Variants in USH2A observed in about 807,000 individuals in gnomAD.
USH2A encodes usherin.
In USH2A, 443 loss-of-function variants were observed where a neutral mutation model predicts 538.9. The observed-to-expected ratio is 0.82, with a 90% CI of 0.76 to 0.89. The LOEUF (loss-of-function observed/expected upper bound fraction) is 0.89, where lower values mean the gene tolerates loss of function less well. Among genes scored for constraint, USH2A ranks in the 40% least tolerant of loss-of-function variants. USH2A has a pLI of 0.00. For missense variants in USH2A, 6,633 were observed against 6,324.8 expected (o/e 1.05, Z -1.65); for synonymous variants, 2,413 against 2,273.5 (o/e 1.06, Z -1.75).
intron 11 of USH2A, among the ~76,000 whole-genome samples, chr1:216,283,948 A>G (rs995395531): frequency 6.6e-6 from 1 of 152,260 alleles, no homozygotes; most frequent in East Asian, 1.9e-4. Context: ...TAGCTTGGAT[A>G]GAACTGAGTA....
At chr1:216,353,653 A>G (rs1162044454) in intron 4 of USH2A, among the ~76,000 whole-genome samples, 3 of 152,136 alleles carry the variant, frequency 2.0e-5, no homozygotes, top group Admixed American at 2.0e-4. Context: ...GAAACAATCT[A>G]GAGGGTTGGA....
At chr1:216,073,552 A>G (rs1318517773) in intron 27 of USH2A, among the ~76,000 whole-genome samples, 1 of 152,216 alleles carries the variant, frequency 6.6e-6, no homozygotes, top group Non-Finnish European at 1.5e-5. Flanking sequence ...GGTACTGAAA[A>G]AGCATTTATT....
chr1:215,883,711 C>T (rs1486157942), intron 41 of USH2A, among the ~76,000 whole-genome samples: 3 of 152,044 alleles, frequency 2.0e-5, no homozygotes, highest in Admixed American at 6.6e-5. Flanking sequence ...AACAAATACT[C>T]GTTATCTATA....
rs528046770 is a variant in USH2A at position 216,269,261 on chromosome 1, G to A, written c.1972-18163C>T. Among the ~76,000 whole-genome samples, 126 of 152,136 alleles carry A rather than the reference G, an allele frequency of 8.3e-4. 1 individual carries two copies. The South Asian group carries it at 0.025, about 30-fold the overall frequency. On this transcript the variant is annotated intron_variant, in intron 11 of 71. Transcript: ENST00000307340. ...TCTTTCTTGTGCTGTTCTCATGATAGTGAATAAATCTCACGAGATCTGATG... is the reference window on the plus strand; with the variant it reads ...TCTTTCTTGTGCTGTTCTCATGATAATGAATAAATCTCACGAGATCTGATG...
At chr1:216,219,477 A>C (rs1351631721) in intron 14 of USH2A, among the ~76,000 whole-genome samples, 1 of 152,156 alleles carries the variant, frequency 6.6e-6, no homozygotes, top group African/African-American at 2.4e-5. Flanking sequence ...ACTCTTTAGC[A>C]AATAAGCTAC....
chr1:216,083,812 AT>A (rs2032027077), intron 25 of USH2A, among the ~76,000 whole-genome samples: 3 of 152,152 alleles, frequency 2.0e-5, no homozygotes, highest in Non-Finnish European at 4.4e-5. Context: ...ACAGGAAGAA[AT>A]TTGCTCTCTA....
chr1:216,249,877 TGA>T (rs141288052), intron 12 of USH2A, among the ~76,000 whole-genome samples: 70 of 147,838 alleles, frequency 4.7e-4, no homozygotes, highest in East Asian at 5.9e-4. Flanking sequence ...TGTGTGTGTG[TGA>T]GAGAGAGAGA....
At chr1:216,000,704 A>G in intron 32 of USH2A, 142 bp from the exon 33 acceptor site, 4 of 1,016,562 alleles carry the variant, frequency 3.9e-6, no homozygotes, top group Non-Finnish European at 5.9e-6. Context: ...AATCAATAGC[A>G]ATAACATATA....
At chr1:215,899,994 T>G in intron 40 of USH2A, 81 bp downstream of exon 40, 1 of 1,602,764 alleles carries the variant, frequency 6.2e-7, no homozygotes, top group Non-Finnish European at 8.5e-7. Flanking sequence ...GAGGCTCATT[T>G]CTTTGCTTTG....
rs755765979 is a variant in USH2A, at chr1:216,200,096, G to A, written c.3342C>T (p.Asp1114=). ...PYSIQYFLDT[D]LLPYTKYSYY... ...AGGAATATTTGGTATATGGTAACAG[G>A]TCTGTGTCTAAGAAGTATTGAATAC... The change falls in exon 17 of 72, where the codon GAC becomes GAT. Residue 1114 remains aspartate, a synonymous_variant. Coordinates refer to ENST00000307340, the MANE Select transcript of USH2A (RefSeq NM_206933.4). 6 of 1,612,286 alleles carry A rather than the reference G, an allele frequency of 3.7e-6. No individual in the cohort carries two copies. In the East Asian group the frequency reaches 6.7e-5, roughly 18 times the overall value.
chr1:216,223,569 A>C (rs777964137), intron 14 of USH2A, among the ~76,000 whole-genome samples: 24 of 152,170 alleles, frequency 1.6e-4, no homozygotes, highest in Non-Finnish European at 2.8e-4. Context: ...TTCGGGCCTC[A>C]AGTGTCTTTG....
intron 32 of USH2A, among the ~76,000 whole-genome samples, chr1:216,043,178 C>T (rs73094520): frequency 0.011 from 1,638 of 152,074 alleles, 34 homozygotes; most frequent in African/African-American, 0.038. Context: ...GGATTTGGGG[C>T]CAGACAGATC....
At chr1:216,117,272 A>G (rs2033031429) in intron 21 of USH2A, among the ~76,000 whole-genome samples, 1 of 152,174 alleles carries the variant, frequency 6.6e-6, no homozygotes, top group Admixed American at 6.5e-5. Flanking sequence ...TGCAATATTT[A>G]TCTCCAAATA....
intron 8 of USH2A, 110 bp from the exon 9 acceptor site, chr1:216,322,086 A>G (rs531464105): frequency 4.1e-5 from 42 of 1,021,698 alleles, no homozygotes; most frequent in Non-Finnish European, 6.1e-5. Flanking sequence ...AGATTTTTGT[A>G]TATTTAATTG....
chr1:216,000,242 C>A (rs1390879376), intron 33 of USH2A, among the ~76,000 whole-genome samples, 161 bp downstream of exon 33: 4 of 152,122 alleles, frequency 2.6e-5, no homozygotes, highest in Non-Finnish European at 5.9e-5. Context: ...GGAAATTAGG[C>A]TGGCAAGTGA....
chr1:215,893,543 T>C (rs1005706593), intron 40 of USH2A, among the ~76,000 whole-genome samples: 2 of 152,180 alleles, frequency 1.3e-5, no homozygotes, highest in African/African-American at 4.8e-5. Flanking sequence ...GATATACTTT[T>C]CCTGCTAAAG....
chr1:216,253,248 G>C (rs1020000064), intron 11 of USH2A, among the ~76,000 whole-genome samples: 3 of 150,600 alleles, frequency 2.0e-5, no homozygotes, highest in African/African-American at 7.3e-5. Flanking sequence ...GTGCGATCTC[G>C]GCTCACTGCA....
rs149553016 is a variant in USH2A, at chr1:216,236,701, A to G, written c.2810-4565T>C. The stretch of plus-strand genomic sequence containing the variant: ...TGTCCTATCAGGGAGTCTAGAGAGG[A>G]GTGTATATGGATCAGACACAATAAA... On this transcript the variant is annotated intron_variant, in intron 13 of 71. Transcript: ENST00000307340. 4.4e-3 allele frequency among the ~76,000 whole-genome samples: 666 copies of G among 152,252 alleles called. 4 individuals carry two copies. The highest frequency in any genetic ancestry group is 4.3e-3 in the Non-Finnish European group (295 of 68,018).
At chr1:216,172,698 C>T (rs1050215962) in intron 21 of USH2A, among the ~76,000 whole-genome samples, 2 of 152,036 alleles carry the variant, frequency 1.3e-5, no homozygotes, top group Non-Finnish European at 2.9e-5. Flanking sequence ...AAACCTGATG[C>T]CTACATGTCT....
Sources: gnomAD v4.1 joint callset for allele counts (sites outside exome capture counted in the v4.1 genomes callset) on GRCh38, gnomAD v4.1.1 for gene constraint, MANE v1.5 for transcripts, NCBI Gene and HGNC (gene_info 2026-07-23, HGNC 2026-07-21) for gene names.